NTRK3: variants seen among roughly 807,000 people sequenced by gnomAD.
NTRK3 encodes the protein neurotrophic receptor tyrosine kinase 3.
In NTRK3, 24 loss-of-function variants were observed where a neutral mutation model predicts 91.7. The ratio of observed to expected loss-of-function variants is 0.26; its 90% CI spans 0.19 to 0.37. The LOEUF (loss-of-function observed/expected upper bound fraction) is 0.37, where lower values mean the gene tolerates loss of function less well. Among genes scored for constraint, NTRK3 ranks in the 10% least tolerant of loss-of-function variants. The pLI is 1.00. For missense variants in NTRK3, 880 were observed against 1,068.9 expected (o/e 0.82, Z 2.46); for synonymous variants, 483 against 404.0 (o/e 1.20, Z -2.34).
intron 14 of NTRK3, among the ~76,000 whole-genome samples, chr15:88,022,384 C>T (rs779813903): frequency 3.4e-4 from 52 of 152,198 alleles, no homozygotes; most frequent in Non-Finnish European, 1.6e-4. Context: ...TGATTCCTAT[C>T]TGACCCCTAT....
chr15:88,025,891 G>A (rs62019242), intron 14 of NTRK3, among the ~76,000 whole-genome samples: 4 of 152,192 alleles, frequency 2.6e-5, no homozygotes, highest in Non-Finnish European at 5.9e-5. Context: ...CCCGAGAGGT[G>A]GAGGCTGCAG....
At chr15:87,955,222 G>A (rs750914881) in intron 14 of NTRK3, among the ~76,000 whole-genome samples, 4 of 152,180 alleles carry the variant, frequency 2.6e-5, no homozygotes, top group Admixed American at 1.3e-4. Context: ...ACACAGAGAC[G>A]AGTATAAATT....
intron 14 of NTRK3, among the ~76,000 whole-genome samples, chr15:88,018,183 G>A (rs185530091): frequency 1.6e-4 from 25 of 152,326 alleles, no homozygotes; most frequent in Non-Finnish European, 3.2e-4. Flanking sequence ...CTGCTTCTGG[G>A]AGGCCTGCCT....
chr15:87,950,341 T>G (rs138025269), intron 14 of NTRK3, among the ~76,000 whole-genome samples: 2 of 152,202 alleles, frequency 1.3e-5, no homozygotes, highest in Non-Finnish European at 2.9e-5. Flanking sequence ...ACCATTGACC[T>G]TGACAGCTAC....
At chr15:88,144,410 G>C (rs115751206) in intron 6 of NTRK3, among the ~76,000 whole-genome samples, 149 of 152,290 alleles carry the variant, frequency 9.8e-4, no homozygotes, top group African/African-American at 3.5e-3. Context: ...AGTAGAGGAA[G>C]GGTCTTGGTG....
intron 5 of NTRK3, among the ~76,000 whole-genome samples, chr15:88,167,629 T>C (rs2045103928): frequency 6.6e-6 from 1 of 152,152 alleles, no homozygotes; most frequent in Non-Finnish European, 1.5e-5. Flanking sequence ...AGCATATTGC[T>C]CAGAGAACTG....
At chr15:88,032,489 C>G (rs1404245814) in intron 14 of NTRK3, among the ~76,000 whole-genome samples, 1 of 152,072 alleles carries the variant, frequency 6.6e-6, no homozygotes, top group Non-Finnish European at 1.5e-5. Context: ...TTCTGGTGAG[C>G]TCAGGGGCTG....
At chr15:88,172,067 C>T (rs565420366) in intron 5 of NTRK3, among the ~76,000 whole-genome samples, 8 of 152,342 alleles carry the variant, frequency 5.3e-5, no homozygotes, top group South Asian at 4.1e-4. Flanking sequence ...ATCTGGGAGA[C>T]CCAGTACCCT....
chr15:88,004,171 A>G (rs908940367), intron 14 of NTRK3, among the ~76,000 whole-genome samples: 3 of 152,072 alleles, frequency 2.0e-5, no homozygotes, highest in Non-Finnish European at 2.9e-5. Flanking sequence ...TTTGTCCAGT[A>G]TCACTCCTTC....
chr15:87,991,919 A>ATT, intron 14 of NTRK3, among the ~76,000 whole-genome samples: 1 of 146,490 alleles, frequency 6.8e-6, no homozygotes, highest in African/African-American at 2.5e-5. Context: ...TGCTGTTGTG[A>ATT]TTTTTTTTTT....
At chr15:88,167,152 CCAAACTACTTT>C (rs2045043302) in intron 5 of NTRK3, among the ~76,000 whole-genome samples, 1 of 152,176 alleles carries the variant, frequency 6.6e-6, no homozygotes, top group South Asian at 2.1e-4. Flanking sequence ...TTCAGTGTTT[CCAAACTACTTT>C]CAAGTTAGTT....
chr15:88,206,024 A>AT (rs1268421405), intron 3 of NTRK3: 1 of 152,218 alleles, frequency 6.6e-6, no homozygotes, highest in Admixed American at 6.5e-5. Context: ...GCAGCTAGAG[A>AT]TGCCTTGGAA....
chr15:88,226,360 C>T (rs992526153), intron 3 of NTRK3, among the ~76,000 whole-genome samples: 6 of 152,166 alleles, frequency 3.9e-5, no homozygotes, highest in African/African-American at 1.4e-4. Flanking sequence ...CAGGAAGTGC[C>T]GACTGGATGG....
chr15:88,190,968 A>G (rs564214973), intron 3 of NTRK3, among the ~76,000 whole-genome samples: 1 of 152,374 alleles, frequency 6.6e-6, no homozygotes, highest in African/African-American at 2.4e-5. Context: ...GCACATGCAT[A>G]CAGATAGGCA....
chr15:88,101,628 C>A lies in NTRK3; in HGVS notation c.1396+24643G>T, dbSNP rs563879481. Among the ~76,000 whole-genome samples the A allele has an allele frequency of 8.9e-4, 136 of 152,304 alleles. 1 individual carries two copies. The highest frequency in any genetic ancestry group is 3.2e-3 in the African/African-American group (134 of 41,558). ...ACTTGCAACCAACCCAAATGTCCAA[C>A]AATGATAGACTGGATTAAGAAAATG... On this transcript the variant is annotated intron_variant, in intron 13 of 18. Coordinates refer to ENST00000394480, the Ensembl canonical transcript of NTRK3.
intron 3 of NTRK3, among the ~76,000 whole-genome samples, chr15:88,246,218 C>G (rs1304260272): frequency 6.6e-6 from 1 of 152,226 alleles, no homozygotes; most frequent in Non-Finnish European, 1.5e-5. Context: ...GACGAGCCAA[C>G]GATACTCTCA....
chr15:88,175,838 G>A (rs2045942249), intron 5 of NTRK3, among the ~76,000 whole-genome samples: 1 of 152,132 alleles, frequency 6.6e-6, no homozygotes, highest in Non-Finnish European at 1.5e-5. Context: ...ATGTGATAAA[G>A]CCAGAATCGA....
rs12594901 is a variant in NTRK3 at position 88,068,290 on chromosome 15, G to T, written c.1397-35245C>A. ...CTACTAAAAACATAAATATTAGCCAGGTGTGGTGGTGCTCACCTGTAATCC... is the reference window on the plus strand; with the variant it reads ...CTACTAAAAACATAAATATTAGCCATGTGTGGTGGTGCTCACCTGTAATCC... On this transcript the variant is annotated intron_variant, in intron 13 of 18. Coordinates refer to ENST00000394480, the Ensembl canonical transcript of NTRK3. Among the ~76,000 whole-genome samples the T allele has an allele frequency of 5.3e-4, 81 of 152,204 alleles. No homozygotes were observed. In the East Asian group the frequency reaches 0.011, roughly 22 times the overall value.
chr15:88,160,687 G>A (rs2044368787), intron 5 of NTRK3, among the ~76,000 whole-genome samples: 1 of 152,192 alleles, frequency 6.6e-6, no homozygotes, highest in African/African-American at 2.4e-5. Context: ...ATCACGTGAG[G>A]AACAAGGTAG....
Sources: allele counts gnomAD v4.1 joint callset (sites outside exome capture counted in the v4.1 genomes callset), GRCh38; gene constraint gnomAD v4.1.1; transcripts MANE v1.5; gene names NCBI Gene and HGNC (gene_info 2026-07-23, HGNC 2026-07-21).